The following UNC5D variants were observed in gnomAD, a reference collection of about 807,000 sequenced individuals.
UNC5D encodes unc-5 netrin receptor D.
In UNC5D, 39 loss-of-function variants were observed where a neutral mutation model predicts 105.4. The ratio of observed to expected loss-of-function variants is 0.37; its 90% CI spans 0.29 to 0.48. UNC5D has a LOEUF of 0.48. Ranked by LOEUF, UNC5D falls within the 20% of genes least tolerant of loss-of-function variation. The pLI, the probability that UNC5D is intolerant of heterozygous loss-of-function variation, is 0.98. For synonymous variants in UNC5D, 452 were observed against 450.4 expected, an observed-to-expected ratio of 1.00 and a Z score of -0.04; for missense variants, 991 against 1,202.4, an observed-to-expected ratio of 0.82 and a Z score of 2.60.
intron 1 of UNC5D, among the ~76,000 whole-genome samples, chr8:35,462,991 A>T (rs1455290069): frequency 1.3e-5 from 2 of 152,226 alleles, no homozygotes; most frequent in Non-Finnish European, 1.5e-5. Context: ...CTTCTCTGGA[A>T]CACCACACTC....
chr8:35,774,124 A>C (rs1403646007), intron 15 of UNC5D, among the ~76,000 whole-genome samples, 175 bp from the exon 16 acceptor site: 2 of 152,186 alleles, frequency 1.3e-5, no homozygotes, highest in African/African-American at 4.8e-5. Context: ...GCTACTAGAG[A>C]AGTTCTTTAC....
At chr8:35,350,493 G>A (rs1812163375) in intron 1 of UNC5D, among the ~76,000 whole-genome samples, 1 of 151,926 alleles carries the variant, frequency 6.6e-6, no homozygotes, top group East Asian at 1.9e-4. Context: ...TAATTTTCAT[G>A]AATAAAACTC....
chr8:35,334,974 C>T (rs1382020172), intron 1 of UNC5D, among the ~76,000 whole-genome samples: 3 of 152,130 alleles, frequency 2.0e-5, no homozygotes, highest in Admixed American at 1.3e-4. Context: ...TCCTGACAAT[C>T]GTTGATCTGC....
chr8:35,351,450 C>A (rs994092672), intron 1 of UNC5D, among the ~76,000 whole-genome samples: 1 of 152,018 alleles, frequency 6.6e-6, no homozygotes, highest in African/African-American at 2.4e-5. Flanking sequence ...TAGAACAATG[C>A]AGTTTAAATA....
intron 1 of UNC5D, among the ~76,000 whole-genome samples, chr8:35,280,377 G>A (rs1439582790): frequency 6.6e-6 from 1 of 152,188 alleles, no homozygotes; most frequent in African/African-American, 2.4e-5. Flanking sequence ...TAGTGAGATC[G>A]TGGTATTTAA....
chr8:35,734,814 G>A (rs536787754), intron 11 of UNC5D, among the ~76,000 whole-genome samples: 59 of 138,054 alleles, frequency 4.3e-4, no homozygotes, highest in African/African-American at 1.6e-3. Context: ...ACGGAGTCTC[G>A]CTCTGTTGCT....
intron 5 of UNC5D, 44 bp from the exon 6 acceptor site, chr8:35,684,538 A>C (rs1368263352): frequency 1.0e-5 from 16 of 1,593,738 alleles, no homozygotes; most frequent in Non-Finnish European, 1.4e-5. Context: ...AATCAGTAAA[A>C]ACCTCTCTCC....
intron 1 of UNC5D, among the ~76,000 whole-genome samples, chr8:35,239,783 C>G (rs1026482639): frequency 2.6e-5 from 4 of 152,132 alleles, no homozygotes; most frequent in Non-Finnish European, 5.9e-5. Context: ...CATGAACTAA[C>G]TGCTCAACAG....
intron 4 of UNC5D, among the ~76,000 whole-genome samples, chr8:35,606,535 A>T (rs541390538): frequency 6.6e-6 from 1 of 152,304 alleles, no homozygotes; most frequent in Admixed American, 6.5e-5. Flanking sequence ...GGTGATAAAC[A>T]TAGTACCCCA....
intron 1 of UNC5D, among the ~76,000 whole-genome samples, chr8:35,400,537 A>G (rs1010288254): frequency 8.6e-5 from 13 of 151,976 alleles, no homozygotes; most frequent in Non-Finnish European, 1.6e-4. Flanking sequence ...ACAGATGTAA[A>G]CTTCATTTTT....
chr8:35,770,312 A>C (rs2131725104), intron 15 of UNC5D, among the ~76,000 whole-genome samples: 1 of 152,272 alleles, frequency 6.6e-6, no homozygotes, highest in East Asian at 1.9e-4. Context: ...TACTGCTTTA[A>C]ATCTTTAAGT....
chr8:35,525,361 CGAT>C (rs1344929447), intron 1 of UNC5D: 2 of 1,612,076 alleles, frequency 1.2e-6, no homozygotes, highest in Non-Finnish European at 1.7e-6. Context: ...TCCATGACTA[CGAT>C]GTTTTTTTCT....
chr8:35,242,676 C>T (rs1332217016), intron 1 of UNC5D, among the ~76,000 whole-genome samples: 1 of 151,964 alleles, frequency 6.6e-6, no homozygotes, highest in East Asian at 1.9e-4. Context: ...GGTTTCACCA[C>T]GTTGGTCAGG....
chr8:35,564,928 C>A (rs1295881960), intron 2 of UNC5D, among the ~76,000 whole-genome samples: 1 of 152,150 alleles, frequency 6.6e-6, no homozygotes, highest in Non-Finnish European at 1.5e-5. Context: ...TACATGATTT[C>A]ATTGTTTTTT....
At chr8:35,533,442 C>G (rs987388071) in intron 1 of UNC5D, among the ~76,000 whole-genome samples, 1 of 152,096 alleles carries the variant, frequency 6.6e-6, no homozygotes, top group Non-Finnish European at 1.5e-5. Flanking sequence ...AACCACTGCT[C>G]TCTTCAAAGC....
rs756375176 is a variant in UNC5D, at chr8:35,766,793, G to C, written c.2314-109G>C. The C allele has an allele frequency of 3.9e-6, 5 of 1,279,048 alleles. No homozygotes were observed. In the African/African-American group the frequency reaches 7.7e-5, roughly 20 times the overall value. The allele number at this position is 1,279,048 out of a possible 1,614,324, so 79.2% of individuals were successfully genotyped here. A position where few individuals can be genotyped will look rare whatever the true frequency, so the allele number is the denominator to read the frequency against. The stretch of plus-strand genomic sequence containing the variant: ...TATCTCTGCTGTGATTGTCCTCATC[G>C]TTGTTGTTGTCGTCATCATCATCAT... On this transcript the variant is annotated intron_variant, in intron 14 of 16. Coordinates refer to ENST00000404895, the MANE Select transcript of UNC5D (RefSeq NM_080872.4).
At chr8:35,421,844 T>G (rs956726366) in intron 1 of UNC5D, among the ~76,000 whole-genome samples, 4 of 152,160 alleles carry the variant, frequency 2.6e-5, no homozygotes, top group Admixed American at 2.6e-4. Context: ...CTTTTAAAAA[T>G]AGTGAGAAAT....
chr8:35,741,587 C>G (rs144055740), intron 11 of UNC5D, among the ~76,000 whole-genome samples: 47 of 152,242 alleles, frequency 3.1e-4, no homozygotes, highest in African/African-American at 1.0e-3. Context: ...CCTATTAATA[C>G]ACATGTTACT....
intron 1 of UNC5D, among the ~76,000 whole-genome samples, chr8:35,413,673 C>A (rs773090079): frequency 8.5e-5 from 13 of 152,052 alleles, no homozygotes; most frequent in Non-Finnish European, 1.6e-4. Flanking sequence ...GAGTACAAAG[C>A]CCTGACTACT....
Sources: gnomAD v4.1 joint callset for allele counts (sites outside exome capture counted in the v4.1 genomes callset) on GRCh38, gnomAD v4.1.1 for gene constraint, MANE v1.5 for transcripts, NCBI Gene and HGNC (gene_info 2026-07-23, HGNC 2026-07-21) for gene names.